The following PTPRD variants were observed in gnomAD, a reference collection of about 807,000 sequenced individuals.
PTPRD encodes the protein receptor-type tyrosine-protein phosphatase delta.
PTPRD carries 34 observed loss-of-function variants against 214.5 expected under a neutral mutation model. The ratio of observed to expected loss-of-function variants is 0.16; its 90% confidence interval spans 0.12 to 0.21. The LOEUF (loss-of-function observed/expected upper bound fraction) is 0.21, where lower values mean the gene tolerates loss of function less well. Ranked by LOEUF, PTPRD falls within the 10% of genes least tolerant of loss-of-function variation. The pLI is 1.00. For synonymous variants in PTPRD, 1,128 were observed against 845.7 expected (o/e 1.33, Z -5.79); for missense variants, 2,545 against 2,398.7 (o/e 1.06, Z -1.27).
In PTPRD at chr9:10,550,903, A is replaced by G. The variant is rs534807088; in HGVS notation, c.-600+61495T>C. ...CATTACATATATTGGCATGGTTCCC[A>G]TGGCCTTATTCACTTCGGTATTAAC... On this transcript the variant is annotated intron_variant, in intron 2 of 45. Transcript: ENST00000381196. 3.3e-5 allele frequency among the ~76,000 whole-genome samples: 5 copies of G among 152,298 alleles called. No individual in the cohort carries two copies. The East Asian group carries it at 7.7e-4, about 24-fold the overall frequency.
At chr9:8,821,682 AG>A (rs1416090557) in intron 11 of PTPRD, among the ~76,000 whole-genome samples, 1 of 152,134 alleles carries the variant, frequency 6.6e-6, no homozygotes, top group African/African-American at 2.4e-5. Flanking sequence ...CTTCAACTTC[AG>A]GAAACAGAGT....
At chr9:8,715,162 G>C (rs1432142532) in intron 12 of PTPRD, among the ~76,000 whole-genome samples, 1 of 151,980 alleles carries the variant, frequency 6.6e-6, no homozygotes, top group East Asian at 1.9e-4. Context: ...GTAAATTTAA[G>C]GTAGCAAATT....
chr9:9,591,829 T>C (rs1473544149), intron 7 of PTPRD, among the ~76,000 whole-genome samples: 1 of 152,022 alleles, frequency 6.6e-6, no homozygotes, highest in Non-Finnish European at 1.5e-5. Flanking sequence ...CATTCCAAAT[T>C]TTATTTTATA....
intron 3 of PTPRD, among the ~76,000 whole-genome samples, chr9:10,247,820 C>G (rs746227318): frequency 4.6e-5 from 7 of 152,012 alleles, no homozygotes; most frequent in Non-Finnish European, 4.4e-5. Flanking sequence ...ATAAATACAA[C>G]GAGGTGGCAA....
intron 5 of PTPRD, among the ~76,000 whole-genome samples, chr9:9,935,054 A>G (rs2088628506): frequency 6.6e-6 from 1 of 152,196 alleles, no homozygotes; most frequent in Admixed American, 6.5e-5. Flanking sequence ...TCAATAAATT[A>G]GGTATTGATG....
chr9:9,176,552 T>G (rs973180908), intron 10 of PTPRD, among the ~76,000 whole-genome samples: 3 of 152,196 alleles, frequency 2.0e-5, no homozygotes, highest in Non-Finnish European at 4.4e-5. Context: ...AAACTCATGT[T>G]GAAACCTAAT....
chr9:9,016,681 A>T (rs1479693403), intron 11 of PTPRD, among the ~76,000 whole-genome samples: 1 of 152,102 alleles, frequency 6.6e-6, no homozygotes, highest in Non-Finnish European at 1.5e-5. Context: ...AAAAATGATA[A>T]TGTTGAATCA....
intron 3 of PTPRD, among the ~76,000 whole-genome samples, chr9:10,231,987 AGAGTGT>A (rs1409412045): frequency 7.2e-5 from 7 of 97,724 alleles, no homozygotes; most frequent in African/African-American, 2.8e-4. Flanking sequence ...AGAGAGAGAG[AGAGTGT>A]GTGTGTGTGT....
intron 11 of PTPRD, among the ~76,000 whole-genome samples, chr9:8,756,697 A>G (rs569900892): frequency 6.6e-6 from 1 of 152,318 alleles, no homozygotes; most frequent in South Asian, 2.1e-4. Flanking sequence ...GAAAGGAGGT[A>G]AAAATCCCCA....
At chr9:10,078,542 A>G (rs2098175990) in intron 3 of PTPRD, among the ~76,000 whole-genome samples, 1 of 149,112 alleles carries the variant, frequency 6.7e-6, no homozygotes, top group Non-Finnish European at 1.5e-5. Flanking sequence ...AAAAAAAGAA[A>G]GAACCCACCC....
intron 3 of PTPRD, among the ~76,000 whole-genome samples, chr9:10,270,073 A>G (rs577239701): frequency 6.6e-6 from 1 of 152,154 alleles, no homozygotes; most frequent in African/African-American, 2.4e-5. Flanking sequence ...CCTGTTCAGT[A>G]GTATTTTTGT....
chr9:9,115,248 G>C (rs758985873), intron 10 of PTPRD, among the ~76,000 whole-genome samples: 1 of 152,146 alleles, frequency 6.6e-6, no homozygotes, highest in Admixed American at 6.5e-5. Context: ...CCTAATTGTA[G>C]AGGGTTTCAT....
intron 36 of PTPRD, among the ~76,000 whole-genome samples, chr9:8,403,794 C>A (rs1047599600): frequency 6.6e-6 from 1 of 152,158 alleles, no homozygotes; most frequent in African/African-American, 2.4e-5. Flanking sequence ...ACATTATCAA[C>A]TTTGAAATTT....
chr9:8,615,408 T>C (rs1259764451), intron 14 of PTPRD, among the ~76,000 whole-genome samples: 2 of 152,154 alleles, frequency 1.3e-5, no homozygotes, highest in African/African-American at 4.8e-5. Context: ...ATCGCCACTA[T>C]TTAAACATGA....
chr9:9,098,772 TA>T (rs1415660246), intron 10 of PTPRD, among the ~76,000 whole-genome samples: 2 of 152,226 alleles, frequency 1.3e-5, no homozygotes, highest in African/African-American at 4.8e-5. Context: ...GTATATTTTG[TA>T]AAATTCATCA....
At chr9:10,522,319 G>A (rs947893397) in intron 2 of PTPRD, among the ~76,000 whole-genome samples, 37 of 152,168 alleles carry the variant, frequency 2.4e-4, no homozygotes, top group African/African-American at 8.9e-4. Context: ...CCTCAAGTGT[G>A]TGGTGTGGAC....
chr9:9,463,009 G>C (rs1024829574), intron 8 of PTPRD, among the ~76,000 whole-genome samples: 2 of 152,144 alleles, frequency 1.3e-5, no homozygotes, highest in African/African-American at 4.8e-5. Context: ...AAGTAAAAAA[G>C]ATTGTTTGTG....
At chr9:8,482,098 CT>C (rs1347807713) in intron 30 of PTPRD, among the ~76,000 whole-genome samples, 1 of 152,038 alleles carries the variant, frequency 6.6e-6, no homozygotes, top group Non-Finnish European at 1.5e-5. Flanking sequence ...ATCTTAATAA[CT>C]TCTCTAAGCC....
At chr9:9,976,829 C>G (rs1012147798) in intron 4 of PTPRD, among the ~76,000 whole-genome samples, 2 of 151,152 alleles carry the variant, frequency 1.3e-5, no homozygotes, top group African/African-American at 2.4e-5. Flanking sequence ...CCTGAGTTGT[C>G]TGTAGGAGTG....
Sources: allele counts gnomAD v4.1 joint callset (sites outside exome capture counted in the v4.1 genomes callset), GRCh38; gene constraint gnomAD v4.1.1; transcripts MANE v1.5; gene names NCBI Gene and HGNC (gene_info 2026-07-23, HGNC 2026-07-21).